The following OLFM3 variants were observed in gnomAD, a reference collection of about 807,000 sequenced individuals.
OLFM3 encodes the protein olfactomedin 3.
In OLFM3, 20 loss-of-function variants were observed where a neutral mutation model predicts 48.6. That is an observed-to-expected ratio of 0.41 (90% CI 0.29 to 0.60). OLFM3 has a LOEUF of 0.60. OLFM3 is among the 20% of genes least tolerant of loss of function. The pLI is 0.28. For synonymous variants in OLFM3, 222 were observed against 198.1 expected, an observed-to-expected ratio of 1.12 and a Z score of -1.01; for missense variants, 437 against 544.3, an observed-to-expected ratio of 0.80 and a Z score of 1.96.
At chr1:101,874,107 T>C (rs2100980383) in intron 1 of OLFM3, among the ~76,000 whole-genome samples, 1 of 152,014 alleles carries the variant, frequency 6.6e-6, no homozygotes, top group Non-Finnish European at 1.5e-5. Context: ...TTCTATAAGT[T>C]GGAAAAATAG....
chr1:101,946,183 T>C (rs1659958761), intron 1 of OLFM3, among the ~76,000 whole-genome samples: 1 of 132,914 alleles, frequency 7.5e-6, no homozygotes, highest in Non-Finnish European at 1.6e-5. Flanking sequence ...TAAAAATGAC[T>C]GCTTAGACAT....
intron 1 of OLFM3, among the ~76,000 whole-genome samples, chr1:101,870,303 A>G (rs371779874): frequency 1.2e-4 from 18 of 152,188 alleles, no homozygotes; most frequent in African/African-American, 3.4e-4. Flanking sequence ...TAATTCATCA[A>G]TAACATCATG....
chr1:101,814,758 C>A (rs1654246418), intron 4 of OLFM3, among the ~76,000 whole-genome samples: 1 of 151,812 alleles, frequency 6.6e-6, no homozygotes, highest in South Asian at 2.1e-4. Flanking sequence ...TCATGGGTAA[C>A]AATAGAAATA....
intron 1 of OLFM3, chr1:101,882,531 A>G (rs1657575340): frequency 6.6e-6 from 1 of 151,766 alleles, no homozygotes; most frequent in East Asian, 1.9e-4. Context: ...TGCCTATAAG[A>G]TAGTATTGAT....
chr1:101,926,963 A>G (rs574970284), intron 1 of OLFM3, among the ~76,000 whole-genome samples: 2 of 152,322 alleles, frequency 1.3e-5, no homozygotes, highest in South Asian at 4.1e-4. Flanking sequence ...AATTGGAAGA[A>G]TAATACAATC....
chr1:101,847,924 G>A (rs761630218), intron 1 of OLFM3, among the ~76,000 whole-genome samples: 31 of 152,024 alleles, frequency 2.0e-4, no homozygotes, highest in Non-Finnish European at 4.0e-4. Flanking sequence ...ATGACTGGCC[G>A]GTGACAAGAT....
intron 1 of OLFM3, among the ~76,000 whole-genome samples, chr1:101,946,857 G>A (rs912645443): frequency 2.0e-5 from 3 of 152,136 alleles, no homozygotes; most frequent in African/African-American, 7.2e-5. Flanking sequence ...TACTTACAAT[G>A]ATTGAACAAG....
intron 1 of OLFM3, among the ~76,000 whole-genome samples, chr1:101,865,966 A>G (rs951439899): frequency 6.6e-6 from 1 of 152,182 alleles, no homozygotes; most frequent in Non-Finnish European, 1.5e-5. Context: ...TAGGCCAGTG[A>G]TTTTCATTAT....
At chr1:101,884,217 A>T (rs990773110) in intron 1 of OLFM3, among the ~76,000 whole-genome samples, 2 of 151,922 alleles carry the variant, frequency 1.3e-5, no homozygotes, top group Admixed American at 6.6e-5. Flanking sequence ...AATATGTTTT[A>T]TAAAAAAGAA....
At chr1:101,874,522 CAA>C (rs931257351) in intron 1 of OLFM3, among the ~76,000 whole-genome samples, 8 of 151,416 alleles carry the variant, frequency 5.3e-5, no homozygotes, top group Non-Finnish European at 3.0e-5. Context: ...ACAGCAGTGA[CAA>C]ATATTTATTG....
intron 1 of OLFM3, among the ~76,000 whole-genome samples, chr1:101,941,692 G>C (rs1222703147): frequency 6.6e-6 from 1 of 152,134 alleles, no homozygotes; most frequent in Non-Finnish European, 1.5e-5. Flanking sequence ...TATAATCAGA[G>C]GTTGCTTACA....
intron 1 of OLFM3, among the ~76,000 whole-genome samples, chr1:101,887,489 T>A (rs1657808073): frequency 6.6e-6 from 1 of 151,940 alleles, no homozygotes; most frequent in South Asian, 2.1e-4. Flanking sequence ...AAATTCTCCT[T>A]AAGAGAATTT....
At chr1:101,911,346 C>T (rs1658753256) in intron 1 of OLFM3, among the ~76,000 whole-genome samples, 1 of 152,038 alleles carries the variant, frequency 6.6e-6, no homozygotes, top group Non-Finnish European at 1.5e-5. Flanking sequence ...AGAAAAGCAA[C>T]ATTCAAATTT....
At chr1:101,930,435 C>G (rs141462550) in intron 1 of OLFM3, among the ~76,000 whole-genome samples, 1 of 152,184 alleles carries the variant, frequency 6.6e-6, no homozygotes, top group East Asian at 1.9e-4. Context: ...TATGGTTTTT[C>G]CACCTTCTAA....
At position 101,823,917 on chromosome 1, in the gene OLFM3, T is replaced by C. The variant is rs113648608; in HGVS notation, c.592+1109A>G. The stretch of plus-strand genomic sequence containing the variant: ...GGTATGATGACAGTGGAGCCTCCGA[T>C]GTAGCAATTTCCCACACTATTTTGA... On this transcript the variant is annotated intron_variant, in intron 4 of 5. Coordinates refer to ENST00000370103, the MANE Select transcript of OLFM3 (RefSeq NM_058170.4). Among the ~76,000 whole-genome samples the C allele has an allele frequency of 3.6e-4, 55 of 152,064 alleles. 1 individual carries two copies. The highest frequency in any genetic ancestry group is 7.4e-4 in the Non-Finnish European group (50 of 67,956).
intron 4 of OLFM3, among the ~76,000 whole-genome samples, chr1:101,810,223 C>T (rs1387851889): frequency 6.6e-6 from 1 of 151,778 alleles, no homozygotes; most frequent in Non-Finnish European, 1.5e-5. Context: ...GTCATGAAAT[C>T]ATATTAGGAG....
intron 1 of OLFM3, among the ~76,000 whole-genome samples, chr1:101,856,772 A>T (rs115294530): frequency 0.013 from 1,923 of 152,062 alleles, 62 homozygotes; most frequent in African/African-American, 0.044. Context: ...TATTCTGAAA[A>T]TTTAAGATTA....
chr1:101,953,425 C>T (rs1660203405), intron 1 of OLFM3, among the ~76,000 whole-genome samples: 1 of 152,218 alleles, frequency 6.6e-6, no homozygotes, highest in African/African-American at 2.4e-5. Context: ...ACTGTATAGT[C>T]CACAAAGTCT....
At chr1:101,888,403 G>T (rs1389587978) in intron 1 of OLFM3, among the ~76,000 whole-genome samples, 1 of 152,146 alleles carries the variant, frequency 6.6e-6, no homozygotes, top group Non-Finnish European at 1.5e-5. Flanking sequence ...GTGGGGAAAG[G>T]ATTCCCTATT....
Sources: allele counts gnomAD v4.1 joint callset (sites outside exome capture counted in the v4.1 genomes callset), GRCh38; gene constraint gnomAD v4.1.1; transcripts MANE v1.5; gene names NCBI Gene and HGNC (gene_info 2026-07-23, HGNC 2026-07-21).